The following SPOCK1 variants were observed in gnomAD, a reference collection of about 807,000 sequenced individuals.
SPOCK1 encodes testican-1.
SPOCK1 carries 23 observed loss-of-function variants against 55.3 expected under a neutral mutation model. The observed-to-expected ratio is 0.42, with a 90% CI of 0.30 to 0.59. The LOEUF is 0.59. Among genes scored for constraint, SPOCK1 ranks in the 20% least tolerant of loss-of-function variants. The pLI is 0.22. For synonymous variants in SPOCK1, 226 were observed against 221.0 expected (o/e 1.02, Z -0.20); for missense variants, 499 against 552.5 (o/e 0.90, Z 0.97).
chr5:136,988,291 TG>T, intron 8 of SPOCK1, 130 bp downstream of exon 8: 1 of 680,204 alleles, frequency 1.5e-6, no homozygotes, highest in Non-Finnish European at 2.4e-6. Flanking sequence ...ACTTTGGGCC[TG>T]GCATTAAATG....
chr5:137,491,299 G>A (rs1018814305), intron 2 of SPOCK1, among the ~76,000 whole-genome samples: 2 of 152,214 alleles, frequency 1.3e-5, no homozygotes, highest in African/African-American at 2.4e-5. Context: ...TGCGAGGGGG[G>A]TTGCATTTCC....
intron 3 of SPOCK1, among the ~76,000 whole-genome samples, chr5:137,173,959 A>G (rs1270830659): frequency 2.0e-5 from 3 of 152,238 alleles, no homozygotes; most frequent in Non-Finnish European, 4.4e-5. Context: ...TAAAAGGGAT[A>G]GAGGTCCAGA....
At chr5:137,268,489 T>C (rs1309093457) in intron 2 of SPOCK1, among the ~76,000 whole-genome samples, 1 of 152,200 alleles carries the variant, frequency 6.6e-6, no homozygotes, top group Non-Finnish European at 1.5e-5. Context: ...TCTTTCCCCA[T>C]TTATAAGTTT....
At chr5:137,442,708 T>G (rs946776268) in intron 2 of SPOCK1, among the ~76,000 whole-genome samples, 3 of 152,220 alleles carry the variant, frequency 2.0e-5, no homozygotes, top group African/African-American at 7.2e-5. Flanking sequence ...GAAGGAAATA[T>G]TAAACAGGGA....
At chr5:137,415,753 A>G (rs1580913478) in intron 2 of SPOCK1, among the ~76,000 whole-genome samples, 1 of 152,162 alleles carries the variant, frequency 6.6e-6, no homozygotes, top group Admixed American at 6.5e-5. Flanking sequence ...GGTTTCTGGG[A>G]AAAAAAGAGA....
At chr5:137,309,365 T>C (rs1213597437) in intron 2 of SPOCK1, among the ~76,000 whole-genome samples, 1 of 152,158 alleles carries the variant, frequency 6.6e-6, no homozygotes, top group East Asian at 1.9e-4. Flanking sequence ...ACCTCCTCTG[T>C]GGGCTCCTCT....
chr5:137,402,967 A>C (rs775881801), intron 2 of SPOCK1, among the ~76,000 whole-genome samples: 7 of 151,866 alleles, frequency 4.6e-5, no homozygotes, highest in Non-Finnish European at 8.8e-5. Flanking sequence ...CCAAAACAAC[A>C]GGCTCATCTC....
intron 3 of SPOCK1, among the ~76,000 whole-genome samples, chr5:137,186,389 C>G (rs1755070206): frequency 6.6e-6 from 1 of 152,190 alleles, no homozygotes; most frequent in African/African-American, 2.4e-5. Flanking sequence ...GACATAAGGG[C>G]TAGGACTGCT....
Position 137,410,252 on chromosome 5 carries a change from AT to A in SPOCK1, c.186+88120del, listed in dbSNP as rs531650174. On this transcript the variant is annotated intron_variant, in intron 2 of 10. Transcript: ENST00000394945. ...TATTACAACATCTTTCAGCTGATCT[AT>A]TTTCCCTTATCTAGACACTCCACCA... 2.0e-5 allele frequency among the ~76,000 whole-genome samples: 3 copies of A among 152,124 alleles called. No homozygotes were observed. In the East Asian group the frequency reaches 5.8e-4, roughly 29 times the overall value.
intron 2 of SPOCK1, among the ~76,000 whole-genome samples, chr5:137,332,540 A>G (rs112988758): frequency 3.9e-5 from 6 of 152,298 alleles, no homozygotes; most frequent in African/African-American, 1.4e-4. Flanking sequence ...TGATTACCAC[A>G]GCGACTGGCT....
intron 5 of SPOCK1, among the ~76,000 whole-genome samples, chr5:137,077,074 C>T (rs1752783124): frequency 6.6e-6 from 1 of 152,178 alleles, no homozygotes; most frequent in South Asian, 2.1e-4. Context: ...CAGGCGCCCA[C>T]CACCACGCCT....
chr5:137,319,105 G>A (rs1443760351), intron 2 of SPOCK1, among the ~76,000 whole-genome samples: 4 of 152,154 alleles, frequency 2.6e-5, no homozygotes, highest in East Asian at 1.9e-4. Flanking sequence ...GAGAAAAGAG[G>A]AGGCACACAC....
intron 2 of SPOCK1, among the ~76,000 whole-genome samples, chr5:137,392,164 CTCTGTT>C (rs1252442241): frequency 6.6e-6 from 1 of 152,272 alleles, no homozygotes; most frequent in East Asian, 1.9e-4. Context: ...TGGCTCAACT[CTCTGTT>C]TCTAAGTGTA....
chr5:137,321,772 G>T (rs1757986505), intron 2 of SPOCK1, among the ~76,000 whole-genome samples: 1 of 151,998 alleles, frequency 6.6e-6, no homozygotes, highest in Non-Finnish European at 1.5e-5. Context: ...CAGCTACTCA[G>T]GAGGGTCAGG....
intron 6 of SPOCK1, among the ~76,000 whole-genome samples, chr5:137,054,415 C>T (rs1752265107): frequency 6.6e-6 from 1 of 152,152 alleles, no homozygotes; most frequent in South Asian, 2.1e-4. Flanking sequence ...TTGCCTAAAC[C>T]TTGAAGATAC....
intron 6 of SPOCK1, among the ~76,000 whole-genome samples, chr5:136,993,976 T>C (rs1441030728): frequency 2.0e-5 from 3 of 152,178 alleles, no homozygotes; most frequent in African/African-American, 7.2e-5. Flanking sequence ...CATCCACATA[T>C]GCTTATCAGG....
At chr5:137,410,735 T>A (rs968363590) in intron 2 of SPOCK1, among the ~76,000 whole-genome samples, 33 of 151,786 alleles carry the variant, frequency 2.2e-4, no homozygotes, top group Non-Finnish European at 3.2e-4. Flanking sequence ...CAGAAGGGAG[T>A]GTGCCACACC....
Position 137,131,992 on chromosome 5 carries a change from ATATAT to A in SPOCK1, c.347+8583_347+8587del, listed in dbSNP as rs1561621142. ...GTCTCAAAAAAAAAAAAAAAAAAATATATATATATATATATATATATATATATAAA... is the reference window on the plus strand; with the variant it reads ...GTCTCAAAAAAAAAAAAAAAAAAATAATATATATATATATATATATATAAA... On this transcript the variant is annotated intron_variant, in intron 4 of 10. Transcript: ENST00000394945. 4.2e-4 allele frequency among the ~76,000 whole-genome samples: 14 copies of A among 33,018 alleles called. 1 individual carries two copies. Among genetic ancestry groups the A allele is most frequent in the Non-Finnish European group, 4.8e-4 (9 of 18,736 alleles). 21.7% of individuals were successfully genotyped at this position (33,018 alleles called of 152,430 possible).
At chr5:137,431,326 G>C (rs1752738973) in intron 2 of SPOCK1, among the ~76,000 whole-genome samples, 1 of 152,208 alleles carries the variant, frequency 6.6e-6, no homozygotes, top group African/African-American at 2.4e-5. Flanking sequence ...TTGGGTTTGT[G>C]TACCAGCTCA....
Sources: gnomAD v4.1 joint callset for allele counts (sites outside exome capture counted in the v4.1 genomes callset) on GRCh38, gnomAD v4.1.1 for gene constraint, MANE v1.5 for transcripts, NCBI Gene and HGNC (gene_info 2026-07-23, HGNC 2026-07-21) for gene names.